Variants in CFAP92 observed in about 807,000 individuals in gnomAD.
CFAP92 encodes cilia and flagella associated protein 92 (putative).
A neutral mutation model predicts 106.3 loss-of-function variants in CFAP92; 86 were observed. The ratio of observed to expected loss-of-function variants is 0.81; its 90% CI spans 0.68 to 0.97. The LOEUF is 0.97. CFAP92 is among the 50% of genes least tolerant of loss of function. The probability of loss-of-function intolerance (pLI) is 0.00; values close to 1 mark genes in which losing one functional copy is unlikely to be tolerated. For synonymous variants in CFAP92, 477 were observed against 506.4 expected (o/e 0.94, Z 0.78); for missense variants, 1,204 against 1,283.8 (o/e 0.94, Z 0.95).
intron 11 of CFAP92, 55 bp downstream of exon 11, chr3:128,935,070 A>C: frequency 7.1e-7 from 1 of 1,409,814 alleles, no homozygotes; most frequent in Non-Finnish European, 9.4e-7. Flanking sequence ...GCAGAGTGTT[A>C]AGAAGTGCCC....
chr3:129,009,416 A>G, the CFAP92 span, among the ~76,000 whole-genome samples: 1 of 152,114 alleles, frequency 6.6e-6, no homozygotes, highest in Non-Finnish European at 1.5e-5. Flanking sequence ...CCAGGCTAAT[A>G]TCCCCAAAGC....
chr3:128,993,185 C>T lies in CFAP92; in HGVS notation c.120G>A (p.Lys40=). ...CAGAGTCAGACTCCTGGGCCCTGGC[C>T]TTGGCCTTCAGGTGTTCCTCCACGT... ...ECDVEEHLKA[K]ARAQESDSDR... is the part of the protein sequence containing the mutation. Residue 40 remains lysine, a synonymous_variant, in exon 2 of 16, where the codon AAG becomes AAA. Coordinates refer to ENST00000645291, the MANE Select transcript of CFAP92 (RefSeq NM_001394090.1). 1.2e-6 allele frequency: 2 copies of T among 1,614,076 alleles called. No homozygotes were observed. The highest frequency in any genetic ancestry group is 1.7e-6 in the Non-Finnish European group (2 of 1,179,902).
intron 15 of CFAP92, among the ~76,000 whole-genome samples, chr3:128,912,184 G>A (rs757983478): frequency 4.6e-5 from 7 of 152,198 alleles, no homozygotes; most frequent in Non-Finnish European, 7.3e-5. Context: ...CAGGTTATGT[G>A]CTGTGGAGGG....
rs1489551751 is a variant in CFAP92, at chr3:129,002,248, A to C, written n.117+326T>G. The C allele has an allele frequency of 2.6e-6, 4 of 1,531,444 alleles. No individual in the cohort carries two copies. The Admixed American group carries it at 7.9e-5, about 30-fold the overall frequency. 94.9% of individuals were successfully genotyped at this position (1,531,444 alleles called of 1,614,324 possible). ...CGCGTTGCGCGGCTGGAGGAGGAGA[A>C]TAGCAGCTTGCGCGAGTTGGTGGAG... On this transcript the variant is annotated intron_variant and non_coding_transcript_variant, in intron 1 of 4. Transcript: ENST00000510149.
chr3:128,988,613 A>T, intron 3 of CFAP92, 115 bp downstream of exon 3: 1 of 1,064,278 alleles, frequency 9.4e-7, no homozygotes, highest in Non-Finnish European at 1.4e-6. Context: ...GGGGCCCGGG[A>T]TCCTCCAATT....
the CFAP92 span, among the ~76,000 whole-genome samples, chr3:129,019,127 C>A: frequency 3.3e-5 from 5 of 152,234 alleles, no homozygotes; most frequent in Non-Finnish European, 7.3e-5. Context: ...CAGCTGGCCC[C>A]AGTGTGTTCT....
chr3:128,956,215 TAAAAAAA>T (rs545191144), intron 9 of CFAP92, among the ~76,000 whole-genome samples: 3 of 68,746 alleles, frequency 4.4e-5, no homozygotes, highest in South Asian at 9.1e-4. Context: ...AATAAAAAAA[TAAAAAAA>T]AAAAAAGAAA....
intron 8 of CFAP92, chr3:128,967,218 G>A (rs1942437420): frequency 6.6e-6 from 1 of 152,198 alleles, no homozygotes; most frequent in Admixed American, 6.5e-5. Flanking sequence ...AGAAAGAGTA[G>A]GCACTTCTAA....
At chr3:128,952,858 G>T (rs2107741026) in intron 9 of CFAP92, among the ~76,000 whole-genome samples, 1 of 152,170 alleles carries the variant, frequency 6.6e-6, no homozygotes, top group South Asian at 2.1e-4. Flanking sequence ...GGCCAAGGGG[G>T]TGGCTCACGA....
At chr3:129,000,472 C>T (rs994563845) in intron 1 of CFAP92, among the ~76,000 whole-genome samples, 3 of 152,334 alleles carry the variant, frequency 2.0e-5, no homozygotes, top group Admixed American at 6.5e-5. Context: ...GATTCTGTCT[C>T]TGTCATAGCT....
intron 9 of CFAP92, among the ~76,000 whole-genome samples, chr3:128,958,730 G>A (rs1176188510): frequency 1.3e-5 from 2 of 152,000 alleles, no homozygotes; most frequent in Non-Finnish European, 2.9e-5. Flanking sequence ...GCAAAACCCT[G>A]TCTCTACAAA....
intron 12 of CFAP92, among the ~76,000 whole-genome samples, chr3:128,927,868 C>A (rs1325608120): frequency 6.6e-6 from 1 of 152,144 alleles, no homozygotes; most frequent in African/African-American, 2.4e-5. Context: ...AAACTGAAGA[C>A]CTAAATAACA....
chr3:128,958,698 C>T (rs1941633968), intron 9 of CFAP92, among the ~76,000 whole-genome samples: 1 of 151,586 alleles, frequency 6.6e-6, no homozygotes, highest in Non-Finnish European at 1.5e-5. Context: ...CCCAGGAGTT[C>T]AGGACCAGCC....
In CFAP92 at chr3:128,965,520, C is replaced by T; in HGVS notation, c.1344G>A (p.Gln448=). ...TCCGGCTCATTCTTACCTCTAGTTC[C>T]TGAATGGGTACAGGCTGTGATGGAA... The part of the protein sequence containing the change: ...SCLPSQPVPI[Q]ELERLCMPVY... The change falls in exon 9 of 16, where the codon CAG becomes CAA. Residue 448 remains glutamine, a synonymous_variant. Transcript: ENST00000645291. The T allele has an allele frequency of 7.5e-6, 3 of 399,010 alleles. No homozygotes were observed. Among genetic ancestry groups the T allele is most frequent in the Non-Finnish European group, 1.3e-5 (3 of 226,078 alleles). 24.7% of individuals were successfully genotyped at this position (399,010 alleles called of 1,614,324 possible). A position where few individuals can be genotyped will look rare whatever the true frequency, so the allele number is the denominator to read the frequency against.
At chr3:128,996,610 G>A (rs1404992663), upstream of CFAP92, among the ~76,000 whole-genome samples, 1 of 152,206 alleles carries the variant, frequency 6.6e-6, no homozygotes, top group African/African-American at 2.4e-5. Flanking sequence ...GGGGGCTTCT[G>A]TTTCAGTTAT....
chr3:129,011,281 T>C, the CFAP92 span, among the ~76,000 whole-genome samples: 2 of 152,198 alleles, frequency 1.3e-5, no homozygotes. Context: ...CAGGGTGTGG[T>C]GGCTCACGCC....
chr3:129,021,079 G>T, the CFAP92 span, among the ~76,000 whole-genome samples: 1 of 152,158 alleles, frequency 6.6e-6, no homozygotes, highest in Non-Finnish European at 1.5e-5. Context: ...TGACTGGAAG[G>T]GTGGTGCTCC....
At chr3:128,958,325 G>A (rs1003221799) in intron 9 of CFAP92, among the ~76,000 whole-genome samples, 3 of 152,194 alleles carry the variant, frequency 2.0e-5, no homozygotes, top group Admixed American at 2.0e-4. Flanking sequence ...AGGGTAGCAC[G>A]AAGGAGATCT....
chr3:128,977,157 C>T (rs918240496), intron 5 of CFAP92, 91 bp from the exon 6 acceptor site: 46 of 961,076 alleles, frequency 4.8e-5, no homozygotes, highest in East Asian at 2.5e-5. Flanking sequence ...TAATGTCAGT[C>T]TCTATGCAGA....
Sources: allele counts gnomAD v4.1 joint callset (sites outside exome capture counted in the v4.1 genomes callset), GRCh38; gene constraint gnomAD v4.1.1; transcripts MANE v1.5; gene names NCBI Gene and HGNC (gene_info 2026-07-23, HGNC 2026-07-21).